CD8A: variants seen among roughly 807,000 people sequenced by gnomAD.
CD8A encodes the protein CD8 subunit alpha.
In CD8A, 25 loss-of-function variants were observed where a neutral mutation model predicts 24.2. That is an observed-to-expected ratio of 1.03 (90% CI 0.75 to 1.44). The LOEUF (loss-of-function observed/expected upper bound fraction) is 1.44. Among genes scored for constraint, CD8A ranks in the 40% most tolerant of loss-of-function variants. The pLI, the probability that CD8A is intolerant of heterozygous loss-of-function variation, is 0.00. For synonymous variants in CD8A, 165 were observed against 149.9 expected, an observed-to-expected ratio of 1.10 and a Z score of -0.74; for missense variants, 360 against 319.7, an observed-to-expected ratio of 1.13 and a Z score of -0.96.
At chr2:86,806,665 G>A (rs1014325219) in intron 2 of CD8A, among the ~76,000 whole-genome samples, 3 of 152,204 alleles carry the variant, frequency 2.0e-5, no homozygotes, top group African/African-American at 7.2e-5. Context: ...AGCATCACTT[G>A]AGCCCAGGAG....
chr2:86,800,667 A>G (rs1673642344), intron 3 of CD8A, among the ~76,000 whole-genome samples: 1 of 152,220 alleles, frequency 6.6e-6, no homozygotes, highest in Non-Finnish European at 1.5e-5. Context: ...AAAACCCAAG[A>G]AAGTGAATAA....
At chr2:86,802,185 C>A (rs1673694617) in intron 2 of CD8A, among the ~76,000 whole-genome samples, 1 of 151,990 alleles carries the variant, frequency 6.6e-6, no homozygotes, top group Non-Finnish European at 1.5e-5. Context: ...TTACAGGCAC[C>A]CGCCATCATG....
upstream of CD8A, among the ~76,000 whole-genome samples, chr2:86,795,627 G>A (rs1237030884): frequency 6.6e-6 from 1 of 152,084 alleles, no homozygotes; most frequent in East Asian, 1.9e-4. Flanking sequence ...TTAGTGTAGA[G>A]GCACCAAGAG....
Position 86,785,748 on chromosome 2 carries a change from T to C in CD8A, c.*172A>G. Reference sequence around the variant, plus strand: ...TACTGTAGATTTTACCTAGTTTTGTTTCCCGTCAAACACATAAAGAAAAAG... The same window carrying C: ...TACTGTAGATTTTACCTAGTTTTGTCTCCCGTCAAACACATAAAGAAAAAG... On this transcript the variant is annotated 3_prime_UTR_variant, in exon 6 of 6. Coordinates refer to ENST00000283635, the MANE Select transcript of CD8A (RefSeq NM_001768.7). 2.6e-6 allele frequency: 2 copies of C among 767,072 alleles called. No individual in the cohort carries two copies. Among genetic ancestry groups the C allele is most frequent in the South Asian group, 2.7e-5 (2 of 72,968 alleles). 47.5% of individuals were successfully genotyped at this position (767,072 alleles called of 1,614,324 possible).
intron 4 of CD8A, among the ~76,000 whole-genome samples, chr2:86,788,771 T>C (rs1673130280): frequency 6.6e-6 from 1 of 152,060 alleles, no homozygotes; most frequent in African/African-American, 2.4e-5. Flanking sequence ...TCTTTGAGGA[T>C]TATAACTCTT....
intron 3 of CD8A, among the ~76,000 whole-genome samples, chr2:86,800,827 C>T (rs1191088369): frequency 5.3e-5 from 8 of 152,318 alleles, no homozygotes; most frequent in African/African-American, 1.7e-4. Flanking sequence ...TATACTCTAG[C>T]ATCTCAGAAT....
chr2:86,792,774 G>A (rs1673354068), upstream of CD8A, among the ~76,000 whole-genome samples: 1 of 151,000 alleles, frequency 6.6e-6, no homozygotes, highest in Non-Finnish European at 1.5e-5. Flanking sequence ...GAGATTACAG[G>A]TGTGAGCCAC....
chr2:86,801,247 T>C (rs1254657610), intron 3 of CD8A, among the ~76,000 whole-genome samples: 1 of 152,158 alleles, frequency 6.6e-6, no homozygotes, highest in Non-Finnish European at 1.5e-5. Flanking sequence ...AAATTAATTT[T>C]TGATGATAGA....
At chr2:86,799,040 A>G (rs1673576441) in intron 3 of CD8A, among the ~76,000 whole-genome samples, 1 of 152,226 alleles carries the variant, frequency 6.6e-6, no homozygotes. Flanking sequence ...GTGGTGTATT[A>G]TCCTGTGAAT....
chr2:86,788,755 C>T (rs1673129210), intron 4 of CD8A, among the ~76,000 whole-genome samples, 195 bp from the exon 5 acceptor site: 1 of 152,094 alleles, frequency 6.6e-6, no homozygotes, highest in Admixed American at 6.5e-5. Context: ...CTTCCTTTCC[C>T]CTATTTCTTT....
chr2:86,800,449 AAAAAAAAAAGAAAG>A (rs1673633257), intron 3 of CD8A, among the ~76,000 whole-genome samples: 1 of 151,926 alleles, frequency 6.6e-6, no homozygotes, highest in African/African-American at 2.4e-5. Flanking sequence ...GCGACAGAAA[AAAAAAAAAAGAAAG>A]AAAAAAAAAG....
In CD8A at chr2:86,805,723, T is replaced by G. The variant is rs116464910; in HGVS notation, c.-418+1724A>C. On this transcript the variant is annotated intron_variant, in intron 2 of 8. Coordinates refer to the CD8A transcript ENST00000409511. ...TCACATCACTTAAAATACGAATTTT[T>G]TTGATGCTTAGAGAACCTGATTTCC... 5.6e-3 allele frequency among the ~76,000 whole-genome samples: 849 copies of G among 152,294 alleles called. 10 individuals carry two copies. Among genetic ancestry groups the G allele is most frequent in the African/African-American group, 0.019 (799 of 41,564 alleles).
At chr2:86,792,564 G>A (rs533289809), upstream of CD8A, among the ~76,000 whole-genome samples, 39 of 151,108 alleles carry the variant, frequency 2.6e-4, no homozygotes, top group Middle Eastern at 3.4e-3. Flanking sequence ...GCACCACCTC[G>A]GCTCACTGCA....
intron 3 of CD8A, 77 bp downstream of exon 3, chr2:86,789,563 C>T: frequency 1.5e-6 from 2 of 1,306,298 alleles, no homozygotes; most frequent in Non-Finnish European, 2.2e-6. Flanking sequence ...ACTCTACCTA[C>T]AGTATCAGGG....
chr2:86,794,126 C>A (rs1441762351), upstream of CD8A, among the ~76,000 whole-genome samples: 7 of 152,114 alleles, frequency 4.6e-5, no homozygotes, highest in African/African-American at 1.7e-4. Context: ...GGTAAGTTCC[C>A]AAACCCCACA....
chr2:86,795,534 G>C (rs574944933), upstream of CD8A, among the ~76,000 whole-genome samples: 1 of 152,198 alleles, frequency 6.6e-6, no homozygotes, highest in Non-Finnish European at 1.5e-5. Context: ...GTAGTTGCAG[G>C]ACAATGGCTG....
chr2:86,788,177 G>A (rs1673101147), intron 5 of CD8A, among the ~76,000 whole-genome samples: 1 of 150,472 alleles, frequency 6.6e-6, no homozygotes, highest in South Asian at 2.1e-4. Flanking sequence ...AAACCCAGAT[G>A]GAATAATCAG....
chr2:86,799,770 GAA>G (rs1673605474), intron 3 of CD8A, among the ~76,000 whole-genome samples: 1 of 151,496 alleles, frequency 6.6e-6, no homozygotes, highest in Non-Finnish European at 1.5e-5. Context: ...AAAAAAGAAA[GAA>G]AAGAGTCATC....
rs766042221 is a variant in CD8A at position 86,790,667 on chromosome 2, T to C, written c.64A>G (p.Ser22Gly). The C allele has an allele frequency of 4.9e-5, 78 of 1,598,242 alleles. No homozygotes were observed. Among genetic ancestry groups the C allele is most frequent in the Non-Finnish European group, 6.0e-5 (71 of 1,178,722 alleles). The change falls in exon 2 of 6, where the codon AGC (serine) becomes GGC (glycine). Residue 22 changes from serine (S) to glycine (G), a missense_variant. Physicochemically the swap from Ser to Gly is moderately conservative, Grantham distance 56 (BLOSUM62 0). Transcript: ENST00000283635. The part of the protein sequence containing the change: ...LALLLHAARP[S>G]QFRVSPLDRT... ...TCCAGCGGCGACACCCGGAACTGGCTCGGCCTGGCGGCGTCTGCAGGCGGC... is the reference window on the plus strand; with the variant it reads ...TCCAGCGGCGACACCCGGAACTGGCCCGGCCTGGCGGCGTCTGCAGGCGGC...
Sources: gnomAD v4.1 joint callset for allele counts (sites outside exome capture counted in the v4.1 genomes callset) on GRCh38, gnomAD v4.1.1 for gene constraint, MANE v1.5 for transcripts, NCBI Gene and HGNC (gene_info 2026-07-23, HGNC 2026-07-21) for gene names.